The following TBC1D4 variants were observed in gnomAD, a reference collection of about 807,000 sequenced individuals.
The protein encoded by TBC1D4 is TBC1 domain family member 4, also known as TBC (Tre-2, BUB2, CDC16) domain-containing protein.
Under a neutral mutation model 142.5 loss-of-function variants are expected in TBC1D4, and 121 were observed. The ratio of observed to expected loss-of-function variants is 0.85; its 90% CI spans 0.73 to 0.99. The LOEUF (loss-of-function observed/expected upper bound fraction) is 0.99, where lower values mean the gene tolerates loss of function less well. TBC1D4 is among the 50% of genes least tolerant of loss of function. The pLI is 0.00. For missense variants in TBC1D4, 1,475 were observed against 1,606.6 expected (o/e 0.92, Z 1.40); for synonymous variants, 630 against 628.2 (o/e 1.00, Z -0.04).
intron 1 of TBC1D4, among the ~76,000 whole-genome samples, chr13:75,418,383 G>C (rs1320491808): frequency 6.6e-6 from 1 of 152,168 alleles, no homozygotes; most frequent in East Asian, 1.9e-4. Flanking sequence ...GATGGATCTG[G>C]GACAGTTACA....
At chr13:75,434,079 A>G (rs1886693139) in intron 1 of TBC1D4, among the ~76,000 whole-genome samples, 1 of 152,348 alleles carries the variant, frequency 6.6e-6, no homozygotes, top group South Asian at 2.1e-4. Context: ...AAACTGGCTT[A>G]ACCATCGTGG....
chr13:75,476,946 C>T (rs1888651238), intron 1 of TBC1D4, among the ~76,000 whole-genome samples: 1 of 152,154 alleles, frequency 6.6e-6, no homozygotes, highest in Admixed American at 6.5e-5. Context: ...ACACTGAACA[C>T]CTTCAATTTT....
chr13:75,385,623 G>A (rs1304175178), intron 1 of TBC1D4, among the ~76,000 whole-genome samples: 2 of 152,204 alleles, frequency 1.3e-5, no homozygotes, highest in Non-Finnish European at 2.9e-5. Flanking sequence ...AATAATATTT[G>A]CTATGAACTT....
chr13:75,301,201 A>G (rs1026793467), intron 16 of TBC1D4, among the ~76,000 whole-genome samples: 1 of 152,204 alleles, frequency 6.6e-6, no homozygotes, highest in Non-Finnish European at 1.5e-5. Context: ...AGTACAAATA[A>G]AGTGGTCAAA....
intron 8 of TBC1D4, among the ~76,000 whole-genome samples, chr13:75,333,949 C>A (rs572642183): frequency 1.3e-5 from 2 of 152,320 alleles, no homozygotes; most frequent in African/African-American, 4.8e-5. Flanking sequence ...AGGAATACCA[C>A]AGAAGCAGTT....
At chr13:75,406,702 A>T (rs1885363515) in intron 1 of TBC1D4, among the ~76,000 whole-genome samples, 1 of 152,218 alleles carries the variant, frequency 6.6e-6, no homozygotes, top group South Asian at 2.1e-4. Flanking sequence ...AAAAGTGATT[A>T]TTAGAGAAAA....
chr13:75,461,785 C>T (rs1005396753), intron 1 of TBC1D4, among the ~76,000 whole-genome samples: 6 of 152,148 alleles, frequency 3.9e-5, no homozygotes, highest in Non-Finnish European at 7.3e-5. Flanking sequence ...TATCAATTTT[C>T]CCTTGAAACA....
intron 3 of TBC1D4, 26 bp downstream of exon 3, chr13:75,359,743 A>C: frequency 6.5e-7 from 1 of 1,537,340 alleles, no homozygotes; most frequent in South Asian, 1.1e-5. Context: ...GTCTCTTCAC[A>C]TACTATGATA....
At chr13:75,388,326 G>A (rs544161132) in intron 1 of TBC1D4, among the ~76,000 whole-genome samples, 1 of 152,272 alleles carries the variant, frequency 6.6e-6, no homozygotes, top group Admixed American at 6.5e-5. Flanking sequence ...AGGGGCCATA[G>A]TTCTGCCTAC....
At chr13:75,399,524 C>G (rs1450231402) in intron 1 of TBC1D4, among the ~76,000 whole-genome samples, 2 of 113,836 alleles carry the variant, frequency 1.8e-5, no homozygotes, top group East Asian at 2.4e-4. Flanking sequence ...AGAAACCACA[C>G]CCAACCCACC....
rs769199652 is a variant in TBC1D4 at position 75,310,046 on chromosome 13, A to G, written c.2489T>C (p.Ile830Thr). The change falls in exon 14 of 21, where the codon ATT becomes ACT. Residue 830 changes from isoleucine to threonine, a missense_variant. Coordinates refer to ENST00000377636, the MANE Select transcript of TBC1D4 (RefSeq NM_014832.5). ...TTCTTTTGATTTCTTTCTTTCTTCA[A>G]TCTTTTCTGGGTCATCCTCCCCAGA... ...FLSGEDDPEK[I>T]EERKKSKELR... The G allele has an allele frequency of 6.2e-6, 10 of 1,613,940 alleles. No homozygotes were observed. Among genetic ancestry groups the G allele is most frequent in the African/African-American group, 1.3e-5 (1 of 74,972 alleles).
Position 75,302,251 on chromosome 13 carries a change from A to T in TBC1D4, c.2903T>A (p.Val968Glu), listed in dbSNP as rs1206827981. Residue 968 changes from valine (V) to glutamate (E), a missense_variant, in exon 16 of 21, where the codon GTG becomes GAG. Transcript: ENST00000377636. ...CCACATGACAAACATACCTAAATCC[A>T]CGAGAATCGCATGCTGCTGAGCAGT... ...QLTAQQHAILVDLGRTFPTHP... is the reference protein window; with the variant it reads ...QLTAQQHAILEDLGRTFPTHP... 6.2e-7 allele frequency: 1 copy of T among 1,614,188 alleles called. No individual in the cohort carries two copies. The highest frequency in any genetic ancestry group is 8.5e-7 in the Non-Finnish European group (1 of 1,180,020).
chr13:75,341,262 A>G (rs1314110420), intron 6 of TBC1D4, 27 bp from the exon 7 acceptor site: 7 of 1,577,976 alleles, frequency 4.4e-6, no homozygotes, highest in Non-Finnish European at 6.1e-6. Flanking sequence ...CCAAAAGAAC[A>G]CTATGGCAAC....
In TBC1D4 at chr13:75,466,418, C is replaced by T. The variant is rs185713461; in HGVS notation, c.498+14852G>A. The stretch of plus-strand genomic sequence containing the variant: ...TCTAAAGCAGAAAATATACATAAAA[C>T]CCTATGCACTATCAGGTACTGAGGA... On this transcript the variant is annotated intron_variant, in intron 1 of 20. Transcript: ENST00000377636. Among the ~76,000 whole-genome samples, 867 of 152,276 alleles carry T rather than the reference C, an allele frequency of 5.7e-3. 8 individuals carry two copies. Among genetic ancestry groups the T allele is most frequent in the African/African-American group, 0.019 (782 of 41,548 alleles).
At chr13:75,450,238 T>C (rs1887478802) in intron 1 of TBC1D4, among the ~76,000 whole-genome samples, 1 of 152,216 alleles carries the variant, frequency 6.6e-6, no homozygotes, top group South Asian at 2.1e-4. Context: ...TTCTTTTAAT[T>C]GTTTTCCTTG....
Position 75,362,534 on chromosome 13 carries a change from T to A in TBC1D4, c.572A>T (p.Asp191Val). The stretch of plus-strand genomic sequence containing the variant: ...AGAGTTGTAAAAGGCGTCCTCATTA[T>A]CTTTGCTGGGTTTGGCATCCTCTTT... ...AMKEDAKPSK[D>V]NEDAFYNSQK... The change falls in exon 2 of 21, where the codon GAT becomes GTT. Residue 191 changes from aspartate to valine, a missense_variant. By Grantham distance (152) the Asp-to-Val change is radical. Coordinates refer to ENST00000377636, the MANE Select transcript of TBC1D4 (RefSeq NM_014832.5). The surrounding 1 kb of genome is among the most constrained non-coding windows in gnomAD (Gnocchi z 4.2). 1 of 1,614,246 alleles carries A rather than the reference T, an allele frequency of 6.2e-7. No individual in the cohort carries two copies. The highest frequency in any genetic ancestry group is 8.5e-7 in the Non-Finnish European group (1 of 1,180,042).
intron 1 of TBC1D4, among the ~76,000 whole-genome samples, chr13:75,448,345 A>G (rs1260547805): frequency 6.6e-6 from 1 of 152,160 alleles, no homozygotes; most frequent in Non-Finnish European, 1.5e-5. Context: ...AGGTGGGCAG[A>G]TCACCTGAGG....
Position 75,295,033 on chromosome 13 carries a change from GA to G in TBC1D4, c.3157-21del, listed in dbSNP as rs753841606. The G allele has an allele frequency of 9.9e-6, 16 of 1,609,608 alleles. No individual in the cohort carries two copies. The highest frequency in any genetic ancestry group is 2.2e-5 in the East Asian group (1 of 44,776). On this transcript the variant is annotated intron_variant, in intron 17 of 20. Coordinates refer to ENST00000377636, the MANE Select transcript of TBC1D4 (RefSeq NM_014832.5). The stretch of plus-strand genomic sequence containing the variant: ...TTGAATCTAAAGTTAATTTGGAGAA[GA>G]AAAAAAATATTATGCATTTATCTGC...
chr13:75,385,544 CG>C (rs1230585593), intron 1 of TBC1D4, among the ~76,000 whole-genome samples: 1 of 152,198 alleles, frequency 6.6e-6, no homozygotes, highest in Non-Finnish European at 1.5e-5. Context: ...ACAGCCTCTG[CG>C]TGACCATCGC....
Sources: allele counts gnomAD v4.1 joint callset (sites outside exome capture counted in the v4.1 genomes callset), GRCh38; gene constraint gnomAD v4.1.1; non-coding constraint Gnocchi (gnomAD v3.1); transcripts MANE v1.5; gene names NCBI Gene and HGNC (gene_info 2026-07-23, HGNC 2026-07-21).